ZNG1A: variants seen among roughly 807,000 people sequenced by gnomAD.
ZNG1A encodes the protein zinc-regulated GTPase metalloprotein activator 1A.
chr9:140,601 G>GAGCACCTCTCCTCCTCCAAAGGAACGC, the ZNG1A span, among the ~76,000 whole-genome samples: 3 of 151,002 alleles, frequency 2.0e-5, no homozygotes, highest in Non-Finnish European at 4.4e-5. Flanking sequence ...CTAAAAAGCA[G>GAGCACCTCTCCTCCTCCAAAGGAACGC]AGCGCCTCTC....
chr9:128,214 G>T, the ZNG1A span, among the ~76,000 whole-genome samples: 1 of 149,866 alleles, frequency 6.7e-6, no homozygotes, highest in Non-Finnish European at 1.5e-5. Flanking sequence ...TCTTGTATTT[G>T]GATCTAGGTC....
chr9:172,101 G>C, the ZNG1A span: 2 of 1,611,016 alleles, frequency 1.2e-6, no homozygotes, highest in Non-Finnish European at 1.7e-6. Flanking sequence ...TAATCCAGTG[G>C]TCTCTAACAG....
At chr9:141,401 A>G in the ZNG1A span, among the ~76,000 whole-genome samples, 3 of 149,978 alleles carry the variant, frequency 2.0e-5, no homozygotes, top group Admixed American at 6.7e-5. Context: ...ATTCTGAAAG[A>G]AAAGAATTTT....
At chr9:166,402 C>T in the ZNG1A span, 1 of 151,056 alleles carries the variant, frequency 6.6e-6, no homozygotes, top group Non-Finnish European at 1.5e-5. Flanking sequence ...TTCCCATCAG[C>T]ACCACATAGA....
the ZNG1A span, among the ~76,000 whole-genome samples, chr9:138,179 G>A: frequency 7.2e-5 from 11 of 151,924 alleles, no homozygotes; most frequent in South Asian, 4.2e-4. Flanking sequence ...AATTTTAACC[G>A]TAATTTGTTT....
the ZNG1A span, chr9:150,016 CA>C: frequency 1.3e-5 from 2 of 150,028 alleles, no homozygotes; most frequent in African/African-American, 4.9e-5. Context: ...AGTTTATTGT[CA>C]GTACTTGTCA....
the ZNG1A span, chr9:171,610 A>C: frequency 5.5e-6 from 1 of 180,988 alleles, no homozygotes; most frequent in South Asian, 1.1e-4. Flanking sequence ...ATTAGGTATT[A>C]TAAGTAATCT....
chr9:130,391 C>T, the ZNG1A span, among the ~76,000 whole-genome samples: 1 of 131,690 alleles, frequency 7.6e-6, no homozygotes, highest in Non-Finnish European at 1.6e-5. Flanking sequence ...TTGAGAATGT[C>T]GCAAAATACG....
the ZNG1A span, among the ~76,000 whole-genome samples, chr9:136,904 C>T: frequency 6.6e-6 from 1 of 151,410 alleles, no homozygotes; most frequent in Admixed American, 6.6e-5. Context: ...ATTAGCCAGG[C>T]ATGGGTGCAA....
At chr9:162,622 C>T in the ZNG1A span, among the ~76,000 whole-genome samples, 1 of 149,976 alleles carries the variant, frequency 6.7e-6, no homozygotes, top group Non-Finnish European at 1.5e-5. Flanking sequence ...CTTGCCAGTG[C>T]TGCCATTTAA....
chr9:129,682 G>T, the ZNG1A span, among the ~76,000 whole-genome samples: 1 of 150,022 alleles, frequency 6.7e-6, no homozygotes, highest in African/African-American at 2.5e-5. Context: ...AATTGGGGGG[G>T]GCTGTTCAAT....
the ZNG1A span, chr9:147,124 G>T: frequency 2.0e-5 from 3 of 146,964 alleles, no homozygotes; most frequent in African/African-American, 7.7e-5. Flanking sequence ...GTTGCAGTGA[G>T]CCAAGATTGC....
the ZNG1A span, among the ~76,000 whole-genome samples, chr9:163,610 A>G: frequency 6.6e-6 from 1 of 151,832 alleles, no homozygotes; most frequent in Non-Finnish European, 1.5e-5. Context: ...GCTTAACCAT[A>G]AAGATTTTAC....
the ZNG1A span, among the ~76,000 whole-genome samples, chr9:168,395 G>A: frequency 6.6e-6 from 1 of 151,858 alleles, no homozygotes; most frequent in Non-Finnish European, 1.5e-5. Flanking sequence ...TGGGATTACA[G>A]GCTCCCACCA....
At chr9:142,263 C>G in the ZNG1A span, among the ~76,000 whole-genome samples, 3 of 128,684 alleles carry the variant, frequency 2.3e-5, no homozygotes, top group Non-Finnish European at 4.8e-5. Context: ...CACACCACAC[C>G]TATTCCAAAA....
the ZNG1A span, among the ~76,000 whole-genome samples, chr9:140,184 C>T: frequency 6.6e-6 from 1 of 151,556 alleles, no homozygotes; most frequent in Non-Finnish European, 1.5e-5. Flanking sequence ...GCCTGCCTGC[C>T]TCTGTAGGCT....
chr9:149,137 G>C, the ZNG1A span: 1 of 150,270 alleles, frequency 6.7e-6, no homozygotes, highest in East Asian at 1.9e-4. Context: ...ACCACTACCC[G>C]ACCTGTTGCT....
chr9:175,947 C>T, the ZNG1A span, among the ~76,000 whole-genome samples: 1 of 150,244 alleles, frequency 6.7e-6, no homozygotes, highest in Non-Finnish European at 1.5e-5. Flanking sequence ...CCTTCGAAAC[C>T]TGTTGCAAAA....
chr9:152,325 C>T, the ZNG1A span, among the ~76,000 whole-genome samples: 1 of 152,134 alleles, frequency 6.6e-6, no homozygotes, highest in East Asian at 1.9e-4. Context: ...ATTCGCACAA[C>T]TGTCAGATTA....
Sources: allele counts gnomAD v4.1 joint callset (sites outside exome capture counted in the v4.1 genomes callset), GRCh38; gene constraint gnomAD v4.1.1; transcripts MANE v1.5; gene names NCBI Gene and HGNC (gene_info 2026-07-23, HGNC 2026-07-21).